Variants in PAFAH1B1 observed in about 807,000 individuals in gnomAD.
PAFAH1B1 encodes platelet activating factor acetylhydrolase 1b regulatory subunit 1.
PAFAH1B1 carries 2 observed loss-of-function variants against 57.5 expected under a neutral mutation model. That is an observed-to-expected ratio of 0.03 (90% confidence interval 0.01 to 0.11). The LOEUF (loss-of-function observed/expected upper bound fraction) is 0.11, where lower values mean the gene tolerates loss of function less well. Ranked by LOEUF, PAFAH1B1 falls within the 10% of genes least tolerant of loss-of-function variation. The probability of loss-of-function intolerance (pLI) is 1.00; values close to 1 mark genes in which losing one functional copy is unlikely to be tolerated. For synonymous variants in PAFAH1B1, 152 were observed against 169.6 expected (o/e 0.90, Z 0.81); for missense variants, 257 against 512.0 (o/e 0.50, Z 4.81).
intron 1 of PAFAH1B1, among the ~76,000 whole-genome samples, chr17:2,596,650 A>G (rs561949525): frequency 1.6e-4 from 24 of 152,288 alleles, no homozygotes; most frequent in African/African-American, 5.1e-4. Context: ...GTTCTTTTTA[A>G]TATGATTAGA....
At chr17:2,670,541 A>G (rs1158225218) in intron 6 of PAFAH1B1, among the ~76,000 whole-genome samples, 1 of 152,236 alleles carries the variant, frequency 6.6e-6, no homozygotes, top group Non-Finnish European at 1.5e-5. Context: ...AGTACTTTAC[A>G]TAAAATATTT....
intron 6 of PAFAH1B1, among the ~76,000 whole-genome samples, chr17:2,670,861 T>TA (rs2069172181): frequency 6.6e-6 from 1 of 152,208 alleles, no homozygotes; most frequent in Admixed American, 6.5e-5. Flanking sequence ...CTTGTCTACT[T>TA]ACGGTATTAG....
In PAFAH1B1 at chr17:2,685,382, G is replaced by A. The variant is rs2069459756; in HGVS notation, c.*3580G>A. ...ATGAAGGCAAGCCTTGATTTCGTAT[G>A]AACGTTGCTGAAGTGGTAATTGAGG... is the stretch of plus-strand genomic sequence containing the variant. On this transcript the variant is annotated 3_prime_UTR_variant, in exon 11 of 11. Transcript: ENST00000397195. 6.6e-6 allele frequency: 1 copy of A among 152,586 alleles called. No individual in the cohort carries two copies. The highest frequency in any genetic ancestry group is 1.5e-5 in the Non-Finnish European group (1 of 68,026). 9.5% of individuals were successfully genotyped at this position (152,586 alleles called of 1,614,324 possible).
chr17:2,675,384 C>T (rs1261838861), intron 8 of PAFAH1B1, among the ~76,000 whole-genome samples: 1 of 152,154 alleles, frequency 6.6e-6, no homozygotes, highest in Non-Finnish European at 1.5e-5. Flanking sequence ...GTTTCCTCTC[C>T]CTCTACCCCC....
intron 1 of PAFAH1B1, among the ~76,000 whole-genome samples, chr17:2,603,802 A>G (rs1245036504): frequency 6.7e-6 from 1 of 149,728 alleles, no homozygotes; most frequent in Non-Finnish European, 1.5e-5. Context: ...GTGCAGTGGC[A>G]CGATCTTGGC....
At chr17:2,669,440 T>A (rs1019400237) in intron 5 of PAFAH1B1, among the ~76,000 whole-genome samples, 7 of 152,062 alleles carry the variant, frequency 4.6e-5, no homozygotes, top group African/African-American at 1.7e-4. Flanking sequence ...TTTTTGTGTT[T>A]TTTAGTAGAG....
chr17:2,645,621 ATATT>A (rs935179872), intron 2 of PAFAH1B1, among the ~76,000 whole-genome samples: 1 of 143,916 alleles, frequency 6.9e-6, no homozygotes, highest in African/African-American at 2.5e-5. Context: ...ATATATATAT[ATATT>A]TTTTGTTAGA....
chr17:2,667,321 C>A, intron 5 of PAFAH1B1, 123 bp downstream of exon 5: 1 of 692,800 alleles, frequency 1.4e-6, no homozygotes, highest in Non-Finnish European at 2.5e-6. Context: ...GCGACAGAGC[C>A]ACACTCTGTC....
rs770011553 is a variant in PAFAH1B1 at position 2,606,810 on chromosome 17, CTTT to C, written c.-191+12829_-191+12831del. ...ACATTTTGTCATATTTGCCTCAGAG[CTTT>C]TTTTTTTTTTTTTTTTTTTTTTTTA... On this transcript the variant is annotated intron_variant, in intron 1 of 10. Coordinates refer to ENST00000397195, the MANE Select transcript of PAFAH1B1 (RefSeq NM_000430.4). 2.9e-4 allele frequency among the ~76,000 whole-genome samples: 30 copies of C among 101,708 alleles called. 4 individuals are homozygous for C. The highest frequency in any genetic ancestry group is 1.1e-3 in the African/African-American group (27 of 25,408). The allele number at this position is 101,708 out of a possible 152,430, so 66.7% of individuals were successfully genotyped here. A position where few individuals can be genotyped will look rare whatever the true frequency, so the allele number is the denominator to read the frequency against.
chr17:2,637,771 T>C (rs2068642535), intron 1 of PAFAH1B1, among the ~76,000 whole-genome samples: 1 of 152,246 alleles, frequency 6.6e-6, no homozygotes, highest in Non-Finnish European at 1.5e-5. Flanking sequence ...AATTTTACTT[T>C]TTGTCTCTAA....
At chr17:2,643,316 G>A (rs1026898438) in intron 2 of PAFAH1B1, among the ~76,000 whole-genome samples, 4 of 151,928 alleles carry the variant, frequency 2.6e-5, no homozygotes, top group South Asian at 2.1e-4. Context: ...ACGGGGTCTC[G>A]CTATATTGCC....
chr17:2,596,676 TATG>T (rs2068086987), intron 1 of PAFAH1B1, among the ~76,000 whole-genome samples: 1 of 152,174 alleles, frequency 6.6e-6, no homozygotes, highest in Non-Finnish European at 1.5e-5. Context: ...GAAGGGTTAT[TATG>T]GTGAGGAAAT....
chr17:2,626,236 A>G (rs1277310027), intron 1 of PAFAH1B1, among the ~76,000 whole-genome samples: 1 of 151,888 alleles, frequency 6.6e-6, no homozygotes, highest in Non-Finnish European at 1.5e-5. Context: ...CCTGGGCGAC[A>G]GTGAGACTCC....
At chr17:2,636,911 G>A (rs1435187814) in intron 1 of PAFAH1B1, among the ~76,000 whole-genome samples, 1 of 151,734 alleles carries the variant, frequency 6.6e-6, no homozygotes, top group Admixed American at 6.6e-5. Context: ...CTGTAGAGAC[G>A]GGGTCTCCTG....
intron 1 of PAFAH1B1, among the ~76,000 whole-genome samples, chr17:2,630,859 A>G (rs1039938431): frequency 6.6e-5 from 10 of 152,130 alleles, no homozygotes; most frequent in African/African-American, 2.4e-4. Flanking sequence ...TCAAGCTGGT[A>G]ATTGAAAATA....
At chr17:2,620,382 A>T (rs1465687087) in intron 1 of PAFAH1B1, among the ~76,000 whole-genome samples, 2 of 152,194 alleles carry the variant, frequency 1.3e-5, no homozygotes, top group African/African-American at 4.8e-5. Flanking sequence ...GTTGTAACTT[A>T]ACTCAGTATC....
At chr17:2,660,212 C>CT (rs2068996320) in intron 2 of PAFAH1B1, among the ~76,000 whole-genome samples, 1 of 148,676 alleles carries the variant, frequency 6.7e-6, no homozygotes, top group Non-Finnish European at 1.5e-5. Context: ...CAAGCTTAGC[C>CT]TTTTCAGTGT....
At chr17:2,624,685 AC>A (rs1298513488) in intron 1 of PAFAH1B1, among the ~76,000 whole-genome samples, 4 of 152,182 alleles carry the variant, frequency 2.6e-5, no homozygotes, top group African/African-American at 9.6e-5. Context: ...TCTGGGAGAT[AC>A]AAGTCAAGTT....
intron 1 of PAFAH1B1, among the ~76,000 whole-genome samples, chr17:2,608,899 C>T (rs1431175375): frequency 2.0e-5 from 3 of 152,166 alleles, no homozygotes; most frequent in Admixed American, 6.5e-5. Context: ...CAATTTTAGA[C>T]CATAATTTCC....
Sources: allele counts gnomAD v4.1 joint callset (sites outside exome capture counted in the v4.1 genomes callset), GRCh38; gene constraint gnomAD v4.1.1; transcripts MANE v1.5; gene names NCBI Gene and HGNC (gene_info 2026-07-23, HGNC 2026-07-21).